Variants in NSMCE2 observed in about 807,000 individuals in gnomAD.
NSMCE2 encodes the protein E3 SUMO-protein ligase NSE2.
In NSMCE2, 24 loss-of-function variants were observed where a neutral mutation model predicts 23.8. The ratio of observed to expected loss-of-function variants is 1.01; its 90% CI spans 0.73 to 1.42. NSMCE2 has a LOEUF of 1.42. NSMCE2 is among the 40% of genes most tolerant of loss of function. The pLI is 0.00. For missense variants in NSMCE2, 284 were observed against 296.5 expected (o/e 0.96, Z 0.31); for synonymous variants, 92 against 94.1 (o/e 0.98, Z 0.13).
At chr8:125,145,410 A>G (rs1000991721) in intron 3 of NSMCE2, among the ~76,000 whole-genome samples, 3 of 152,104 alleles carry the variant, frequency 2.0e-5, no homozygotes, top group African/African-American at 7.2e-5. Flanking sequence ...ATAGCTAGTT[A>G]TTGTACTAAC....
chr8:125,192,309 T>C (rs1823387304), intron 5 of NSMCE2, among the ~76,000 whole-genome samples: 1 of 151,680 alleles, frequency 6.6e-6, no homozygotes. Flanking sequence ...TTCTGTCTAC[T>C]TCTACTTCAT....
intron 5 of NSMCE2, among the ~76,000 whole-genome samples, chr8:125,340,529 G>A (rs530651086): frequency 1.6e-4 from 24 of 152,038 alleles, no homozygotes; most frequent in African/African-American, 5.5e-4. Flanking sequence ...CTCTTTACTT[G>A]TTCCTGCTTT....
rs1199459816 is a variant in NSMCE2 at position 125,170,415 on chromosome 8, T to TTTTTTA, written c.265-11688_265-11687insTTTTTA. Among the ~76,000 whole-genome samples the TTTTTTA allele has an allele frequency of 3.2e-4, 30 of 93,196 alleles. 1 individual carries two copies. Among genetic ancestry groups the TTTTTTA allele is most frequent in the East Asian group, 6.5e-4 (2 of 3,062 alleles). 61.1% of individuals were successfully genotyped at this position (93,196 alleles called of 152,430 possible). ...TTTTTTTTTTTTTTTTTTTTTTTTT[T>TTTTTTA]AAGACAGAGTCTCGCTCTCTTGGCC... On this transcript the variant is annotated intron_variant, in intron 4 of 7. Coordinates refer to ENST00000287437, the MANE Select transcript of NSMCE2 (RefSeq NM_173685.4).
At position 125,211,820 on chromosome 8, in the gene NSMCE2, A is replaced by G. The variant is rs141932299; in HGVS notation, c.418+29564A>G. 8.0e-4 allele frequency among the ~76,000 whole-genome samples: 122 copies of G among 152,284 alleles called. 1 individual carries two copies. The highest frequency in any genetic ancestry group is 1.7e-4 in the African/African-American group (7 of 41,550). ...CTAATTCTGCTTCATATTGTTTGCTATCCTTTAGAATATTTCTGTCCCACC... is the reference window on the plus strand; with the variant it reads ...CTAATTCTGCTTCATATTGTTTGCTGTCCTTTAGAATATTTCTGTCCCACC... On this transcript the variant is annotated intron_variant, in intron 5 of 7. Transcript: ENST00000287437.
intron 5 of NSMCE2, among the ~76,000 whole-genome samples, chr8:125,236,787 C>G (rs1294215635): frequency 6.6e-6 from 1 of 151,886 alleles, no homozygotes; most frequent in African/African-American, 2.4e-5. Context: ...CTCTATACCA[C>G]TTGGTACACT....
At chr8:125,330,656 G>A (rs932159617) in intron 5 of NSMCE2, among the ~76,000 whole-genome samples, 3 of 152,124 alleles carry the variant, frequency 2.0e-5, no homozygotes, top group Admixed American at 6.5e-5. Context: ...GCCTAATTAC[G>A]TTTATTTCTT....
intron 5 of NSMCE2, among the ~76,000 whole-genome samples, chr8:125,294,652 A>C (rs1439539445): frequency 1.3e-5 from 2 of 152,228 alleles, no homozygotes; most frequent in Middle Eastern, 6.3e-3. Context: ...GACTTTCTAA[A>C]ACAAAACCAT....
In NSMCE2 at chr8:125,193,901, C is replaced by T. The variant is rs113847407; in HGVS notation, c.418+11645C>T. On this transcript the variant is annotated intron_variant, in intron 5 of 7. Transcript: ENST00000287437. ...ATTCTCTGTTAACTCTCATCATCCC[C>T]ATTAACTGTATGTCGTTGATTTATT... Among the ~76,000 whole-genome samples the T allele has an allele frequency of 2.1e-3, 318 of 152,260 alleles. 2 individuals are homozygous for T. The highest frequency in any genetic ancestry group is 7.5e-3 in the African/African-American group (310 of 41,536).
chr8:125,312,149 A>G lies in NSMCE2; in HGVS notation c.419-45070A>G, dbSNP rs1445794085. Among the ~76,000 whole-genome samples, 3 of 152,038 alleles carry G rather than the reference A, an allele frequency of 2.0e-5. No homozygotes were observed. The East Asian group carries it at 5.8e-4, about 29-fold the overall frequency. On this transcript the variant is annotated intron_variant, in intron 5 of 7. Coordinates refer to ENST00000287437, the MANE Select transcript of NSMCE2 (RefSeq NM_173685.4). ...TCACAGAAAGAATAATAAAAACTGTAGAAATAATGAACTCTCTGAGACATT... is the reference window on the plus strand; with the variant it reads ...TCACAGAAAGAATAATAAAAACTGTGGAAATAATGAACTCTCTGAGACATT...
chr8:125,324,114 A>T (rs1829552752), intron 5 of NSMCE2, among the ~76,000 whole-genome samples: 1 of 152,228 alleles, frequency 6.6e-6, no homozygotes, highest in African/African-American at 2.4e-5. Flanking sequence ...ACAGATTAAC[A>T]CTATAATGAA....
intron 5 of NSMCE2, among the ~76,000 whole-genome samples, chr8:125,336,565 A>G (rs934394843): frequency 6.6e-6 from 1 of 152,190 alleles, no homozygotes; most frequent in African/African-American, 2.4e-5. Context: ...TGATGAGGAT[A>G]TGGGTGGCTT....
chr8:125,325,897 A>G (rs546149292), intron 5 of NSMCE2, among the ~76,000 whole-genome samples: 1 of 152,326 alleles, frequency 6.6e-6, no homozygotes, highest in Non-Finnish European at 1.5e-5. Context: ...GGTTGCAGTG[A>G]GCCAAGATTG....
chr8:125,277,814 T>C (rs902957196), intron 5 of NSMCE2, among the ~76,000 whole-genome samples: 3 of 151,940 alleles, frequency 2.0e-5, no homozygotes, highest in African/African-American at 4.9e-5. Context: ...GCGCCCAGCC[T>C]GTCATCTTCT....
intron 3 of NSMCE2, among the ~76,000 whole-genome samples, chr8:125,127,740 C>T (rs1459890963): frequency 1.3e-5 from 2 of 151,998 alleles, no homozygotes; most frequent in Non-Finnish European, 2.9e-5. Context: ...TTGAGTATCC[C>T]TTATGTGAAA....
At chr8:125,173,782 T>C (rs1327177403) in intron 4 of NSMCE2, among the ~76,000 whole-genome samples, 8 of 152,208 alleles carry the variant, frequency 5.3e-5, no homozygotes. Flanking sequence ...CTATTCTGTG[T>C]TGTTACTTGG....
intron 5 of NSMCE2, among the ~76,000 whole-genome samples, chr8:125,192,667 A>G (rs1823409974): frequency 6.6e-6 from 1 of 152,212 alleles, no homozygotes; most frequent in Non-Finnish European, 1.5e-5. Context: ...TTTCATTTCA[A>G]TTTAAGATTT....
intron 5 of NSMCE2, chr8:125,351,381 C>T (rs1813027643): frequency 6.6e-6 from 1 of 151,710 alleles, no homozygotes; most frequent in African/African-American, 2.4e-5. Flanking sequence ...TTCGAGTTAC[C>T]TAACTCTACC....
At chr8:125,163,969 G>A (rs1413474823) in intron 4 of NSMCE2, among the ~76,000 whole-genome samples, 1 of 152,240 alleles carries the variant, frequency 6.6e-6, no homozygotes, top group Non-Finnish European at 1.5e-5. Flanking sequence ...TTAGCTTGGA[G>A]TTTGTTTCAA....
At chr8:125,272,877 G>A (rs184891399) in intron 5 of NSMCE2, among the ~76,000 whole-genome samples, 5 of 127,364 alleles carry the variant, frequency 3.9e-5, no homozygotes, top group East Asian at 3.9e-4. Context: ...ACACGTATAC[G>A]TGTGTGTATA....
Sources: gnomAD v4.1 joint callset for allele counts (sites outside exome capture counted in the v4.1 genomes callset) on GRCh38, gnomAD v4.1.1 for gene constraint, MANE v1.5 for transcripts, NCBI Gene and HGNC (gene_info 2026-07-23, HGNC 2026-07-21) for gene names.